WNT5A: variants seen among roughly 807,000 people sequenced by gnomAD.
The protein encoded by WNT5A is protein Wnt-5a.
A neutral mutation model predicts 42.1 loss-of-function variants in WNT5A; 9 were observed. The ratio of observed to expected loss-of-function variants is 0.21; its 90% CI spans 0.13 to 0.37. WNT5A has a LOEUF of 0.37. Ranked by LOEUF, WNT5A falls within the 10% of genes least tolerant of loss-of-function variation. The pLI, the probability that WNT5A is intolerant of heterozygous loss-of-function variation, is 1.00. For missense variants in WNT5A, 426 were observed against 534.0 expected (o/e 0.80, Z 1.99); for synonymous variants, 210 against 210.0 (o/e 1.00, Z 0.00).
intron 3 of WNT5A, among the ~76,000 whole-genome samples, chr3:55,478,566 T>C (rs953012801): frequency 1.3e-5 from 2 of 152,216 alleles, no homozygotes; most frequent in South Asian, 4.1e-4. Flanking sequence ...ACAAACAGAT[T>C]TTTTAAAATC....
At chr3:55,485,661 T>C (rs1005628367) in intron 1 of WNT5A, among the ~76,000 whole-genome samples, 2 of 33,370 alleles carry the variant, frequency 6.0e-5, no homozygotes, top group Non-Finnish European at 5.8e-5. Flanking sequence ...TGTGCGAAGG[T>C]GGCTGGGGGG....
chr3:55,482,118 C>T (rs533096910), intron 1 of WNT5A, among the ~76,000 whole-genome samples: 27 of 152,186 alleles, frequency 1.8e-4, no homozygotes, highest in Non-Finnish European at 3.4e-4. Context: ...CGGGGCGAGG[C>T]CAGAGCCCTT....
the WNT5A span, among the ~76,000 whole-genome samples, chr3:55,504,421 G>A: frequency 6.6e-6 from 1 of 151,284 alleles, no homozygotes; most frequent in South Asian, 2.1e-4. Context: ...CCCCTGTGAT[G>A]TGAAACTGGA....
chr3:55,481,406 C>T (rs914619040), intron 1 of WNT5A: 12 of 985,206 alleles, frequency 1.2e-5, no homozygotes, highest in Non-Finnish European at 1.2e-5. Context: ...AGCGCGCTGC[C>T]GCCAGAGGCT....
intron 1 of WNT5A, among the ~76,000 whole-genome samples, chr3:55,484,493 G>C (rs2051534729): frequency 6.6e-6 from 1 of 152,192 alleles, no homozygotes; most frequent in African/African-American, 2.4e-5. Context: ...GGAATTGCCA[G>C]ATAGAGAAGG....
chr3:55,484,613 G>A (rs1460895672), intron 1 of WNT5A, among the ~76,000 whole-genome samples: 1 of 151,756 alleles, frequency 6.6e-6, no homozygotes, highest in Non-Finnish European at 1.5e-5. Context: ...GGGGAAGAAC[G>A]GTCTGGCCTG....
Position 55,467,948 on chromosome 3 carries a change from A to G in WNT5A, c.*2144T>C, listed in dbSNP as rs1325476844. ...TTGCTTTCAAGATCTTTTGCTCACA[A>G]TTCACTGCAACTGAGGGGATGTGAA... is the stretch of plus-strand genomic sequence containing the variant. On this transcript the variant is annotated 3_prime_UTR_variant, in exon 5 of 5. Coordinates refer to ENST00000264634, the MANE Select transcript of WNT5A (RefSeq NM_003392.7). The G allele has an allele frequency of 6.6e-6, 1 of 152,158 alleles. No homozygotes were observed. The highest frequency in any genetic ancestry group is 2.4e-5 in the African/African-American group (1 of 41,436). The allele number at this position is 152,158 out of a possible 1,614,324, so 9.4% of individuals were successfully genotyped here. A position where few individuals can be genotyped will look rare whatever the true frequency, so the allele number is the denominator to read the frequency against.
At position 55,483,031 on chromosome 3, in the gene WNT5A, G is replaced by A. The variant is rs984700849; in HGVS notation, c.7-2113C>T. 6.6e-6 allele frequency among the ~76,000 whole-genome samples: 1 copy of A among 152,218 alleles called. No homozygotes were observed. The highest frequency in any genetic ancestry group is 1.5e-5 in the Non-Finnish European group (1 of 68,044). ...AAGCTTCGCGGCGAGCGGGGCGCGT[G>A]GGGCGGGGCTCAAGCAGCAGAGAAA... On this transcript the variant is annotated intron_variant, in intron 1 of 4. Transcript: ENST00000264634. This position sits in a 1 kb window ranked among gnomAD's most constrained non-coding sequence, Gnocchi z 4.2.
At position 55,480,850 on chromosome 3, in the gene WNT5A, G is replaced by T. The variant is rs2051446393; in HGVS notation, c.75C>A (p.Phe25Leu). 1.9e-6 allele frequency: 3 copies of T among 1,586,960 alleles called. No individual in the cohort carries two copies. Among genetic ancestry groups the T allele is most frequent in the Admixed American group, 1.8e-5 (1 of 57,120 alleles). ...GMAGSAMSSK[F>L]FLVALAIFFS... Reference sequence around the variant, plus strand: ...AAAATATGGCCAAAGCCACTAGGAAGAACTTGGAAGACATTGCACTTCCAG... The same window carrying T: ...AAAATATGGCCAAAGCCACTAGGAATAACTTGGAAGACATTGCACTTCCAG... The change falls in exon 2 of 5, where the codon TTC becomes TTA. Residue 25 changes from phenylalanine (F) to leucine (L), a missense_variant. Coordinates refer to ENST00000264634, the MANE Select transcript of WNT5A (RefSeq NM_003392.7).
the WNT5A span, among the ~76,000 whole-genome samples, chr3:55,496,553 G>A: frequency 1.3e-5 from 2 of 152,138 alleles, no homozygotes; most frequent in Non-Finnish European, 2.9e-5. Context: ...ATACAGGAAC[G>A]CGATGGCTCC....
the WNT5A span, among the ~76,000 whole-genome samples, chr3:55,504,869 A>C: frequency 2.0e-5 from 3 of 152,208 alleles, no homozygotes; most frequent in African/African-American, 7.2e-5. Context: ...TCATGTAATA[A>C]ATTTCCAGGT....
chr3:55,487,574 GCTC>G (rs1337980438), upstream of WNT5A: 1 of 153,252 alleles, frequency 6.5e-6, no homozygotes, highest in Non-Finnish European at 1.5e-5. Context: ...CTGATCTCCA[GCTC>G]CTCCTCTCTG....
At chr3:55,481,018 T>C in intron 1 of WNT5A, 100 bp from the exon 2 acceptor site, 1 of 1,227,796 alleles carries the variant, frequency 8.1e-7, no homozygotes, top group Non-Finnish European at 1.0e-6. Context: ...TTAAGTTTAC[T>C]GTTGATTGAC....
chr3:55,496,785 CT>C, the WNT5A span, among the ~76,000 whole-genome samples: 1 of 152,208 alleles, frequency 6.6e-6, no homozygotes. Flanking sequence ...ATATCAACAT[CT>C]ATTTCAAAAT....
intron 3 of WNT5A, among the ~76,000 whole-genome samples, chr3:55,475,341 C>A (rs1370706918): frequency 6.6e-6 from 1 of 152,140 alleles, no homozygotes; most frequent in Non-Finnish European, 1.5e-5. Flanking sequence ...GGAGACACTG[C>A]CAGCGGCCAC....
chr3:55,487,154 GC>G lies in WNT5A; in HGVS notation c.-170del. ...TGAACCGGAGCTGAAGCGGGCACTGGCGCCCGGGCCTGGACTCCCGAGTTGG... is the reference window on the plus strand; with the variant it reads ...TGAACCGGAGCTGAAGCGGGCACTGGGCCCGGGCCTGGACTCCCGAGTTGG... On this transcript the variant is annotated 5_prime_UTR_variant, in exon 1 of 5. Transcript: ENST00000264634. 1 of 611,926 alleles carries G rather than the reference GC, an allele frequency of 1.6e-6. No individual in the cohort carries two copies. The highest frequency in any genetic ancestry group is 2.9e-6 in the Non-Finnish European group (1 of 349,778). The allele number at this position is 611,926 out of a possible 1,614,324, so 37.9% of individuals were successfully genotyped here. A position where few individuals can be genotyped will look rare whatever the true frequency, so the allele number is the denominator to read the frequency against.
At chr3:55,471,064 A>G (rs1317344166) in intron 4 of WNT5A, among the ~76,000 whole-genome samples, 2 of 152,204 alleles carry the variant, frequency 1.3e-5, no homozygotes, top group African/African-American at 4.8e-5. Flanking sequence ...TGACTTGCCC[A>G]TGGATATCCA....
At chr3:55,489,128 C>T (rs554884275), upstream of WNT5A, 2 of 152,158 alleles carry the variant, frequency 1.3e-5, no homozygotes, top group Non-Finnish European at 2.9e-5. Context: ...TCCAGATGCC[C>T]GTGGTTTTGG....
intron 1 of WNT5A, among the ~76,000 whole-genome samples, chr3:55,485,514 C>T (rs183693660): frequency 6.6e-6 from 1 of 152,238 alleles, no homozygotes; most frequent in East Asian, 1.9e-4. Context: ...CGCACACACA[C>T]GCAGCCAAGG....
Sources: allele counts gnomAD v4.1 joint callset (sites outside exome capture counted in the v4.1 genomes callset), GRCh38; gene constraint gnomAD v4.1.1; non-coding constraint Gnocchi (gnomAD v3.1); transcripts MANE v1.5; gene names NCBI Gene and HGNC (gene_info 2026-07-23, HGNC 2026-07-21).